The following SLC29A1 variants were observed in gnomAD, a reference collection of about 807,000 sequenced individuals.
SLC29A1 encodes solute carrier family 29 member 1 (Augustine blood group).
Under a neutral mutation model 48.3 loss-of-function variants are expected in SLC29A1, and 22 were observed. That is an observed-to-expected ratio of 0.46 (90% CI 0.33 to 0.65). The LOEUF is 0.65. Among genes scored for constraint, SLC29A1 ranks in the 30% least tolerant of loss-of-function variants. SLC29A1 has a pLI of 0.03. For synonymous variants in SLC29A1, 228 were observed against 231.0 expected, an observed-to-expected ratio of 0.99 and a Z score of 0.12; for missense variants, 491 against 575.3, an observed-to-expected ratio of 0.85 and a Z score of 1.50.
At chr6:44,233,388 G>A (rs776792459) in intron 12 of SLC29A1, 29 bp from the exon 13 acceptor site, 25 of 1,577,714 alleles carry the variant, frequency 1.6e-5, no homozygotes, top group South Asian at 5.5e-5. Flanking sequence ...GCCATTCTGA[G>A]GTAGCCTTGC....
rs187435516 is a variant in SLC29A1 at position 44,228,544 on chromosome 6, G to T, written c.30-846G>T. ...CAGGCCTGTCTTCTCACTGCCTTGG[G>T]CTTTATCCCTGCCATCTCTGAAGAG... On this transcript the variant is annotated intron_variant, in intron 2 of 12. Transcript: ENST00000371755. Among the ~76,000 whole-genome samples, 244 of 152,378 alleles carry T rather than the reference G, an allele frequency of 1.6e-3. 3 individuals carry two copies. The highest frequency in any genetic ancestry group is 0.015 in the Admixed American group (226 of 15,304).
In SLC29A1 at chr6:44,230,894, G is replaced by A. The variant is rs778293699; in HGVS notation, c.766+5G>A. ...AGTTGGACCTCATTAGCAAAGGTCCGAAGAGCCTGAGGAAGCTGGGGTGGA... is the reference window on the plus strand; with the variant it reads ...AGTTGGACCTCATTAGCAAAGGTCCAAAGAGCCTGAGGAAGCTGGGGTGGA... On this transcript the variant is annotated splice_donor_5th_base_variant and intron_variant, in intron 8 of 12. Transcript: ENST00000371755. 2.0e-5 allele frequency: 32 copies of A among 1,612,066 alleles called. No individual in the cohort carries two copies. Among genetic ancestry groups the A allele is most frequent in the South Asian group, 4.4e-5 (4 of 91,040 alleles).
rs1779048537 is a variant in SLC29A1 at position 44,232,200 on chromosome 6, C to T, written c.973+94C>T. The T allele has an allele frequency of 6.8e-6, 8 of 1,176,760 alleles. No individual in the cohort carries two copies. The highest frequency in any genetic ancestry group is 2.3e-5 in the East Asian group (1 of 42,660). 72.9% of individuals were successfully genotyped at this position (1,176,760 alleles called of 1,614,324 possible). On this transcript the variant is annotated intron_variant, in intron 10 of 12. Coordinates refer to ENST00000371755, the MANE Select transcript of SLC29A1 (RefSeq NM_001372327.1). This position sits in a 1 kb window ranked among gnomAD's most constrained non-coding sequence, Gnocchi z 4.7. ...GAGGGAGCCTGGGTCACCTTCTCCCCGTTTCCTGGGTCCATTTGCCCTTCC... is the reference window on the plus strand; with the variant it reads ...GAGGGAGCCTGGGTCACCTTCTCCCTGTTTCCTGGGTCCATTTGCCCTTCC...
chr6:44,222,179 C>G (rs1776511157), upstream of SLC29A1, among the ~76,000 whole-genome samples: 1 of 147,518 alleles, frequency 6.8e-6, no homozygotes, highest in Non-Finnish European at 1.5e-5. Flanking sequence ...AAGCCACTCT[C>G]AAGTCATGGG....
In SLC29A1 at chr6:44,223,655, C is replaced by T. The variant is rs761514620; in HGVS notation, c.-52+14C>T. 8.1e-3 allele frequency: 9,704 copies of T among 1,200,832 alleles called. 51 individuals are homozygous for T. Among genetic ancestry groups the T allele is most frequent in the Non-Finnish European group, 9.3e-3 (8,745 of 943,892 alleles). 74.4% of individuals were successfully genotyped at this position (1,200,832 alleles called of 1,614,324 possible). ...CTTCTGCGGCAGGTGCTGCCCGGGG[C>T]CGGGGACTGGGGACTGGGGACTGCC... On this transcript the variant is annotated intron_variant, in intron 1 of 12. Coordinates refer to ENST00000371755, the MANE Select transcript of SLC29A1 (RefSeq NM_001372327.1). This position sits in a 1 kb window ranked among gnomAD's most constrained non-coding sequence, Gnocchi z 5.0.
At chr6:44,219,811 CGGGGCGGGGTGGGGT>C (rs1489830186), upstream of SLC29A1, 17 of 146,622 alleles carry the variant, frequency 1.2e-4, no homozygotes, top group Non-Finnish European at 2.3e-4. Flanking sequence ...GGGGGCCTGG[CGGGGCGGGGTGGGGT>C]GGGGGCGAGG....
At position 44,230,039 on chromosome 6, in the gene SLC29A1, C is replaced by T. The variant is rs769032224; in HGVS notation, c.447C>T (p.Leu149=). ...FFVITMIKIV[L]INSFGAILQG... The stretch of plus-strand genomic sequence containing the variant: ...TCATCACCATGATCAAGATCGTGCT[C>T]ATTAATTGTAAGCTGGGCCAGGAGG... The change falls in exon 5 of 13, where the codon CTC becomes CTT. Residue 149 remains leucine, a synonymous_variant. Coordinates refer to ENST00000371755, the MANE Select transcript of SLC29A1 (RefSeq NM_001372327.1). 4 of 1,606,710 alleles carry T rather than the reference C, an allele frequency of 2.5e-6. No homozygotes were observed. The highest frequency in any genetic ancestry group is 3.4e-6 in the Non-Finnish European group (4 of 1,180,002).
rs754638062 is a variant in SLC29A1, at chr6:44,229,999, C to T, written c.407C>T (p.Ala136Val). ...ATCCTGGTGAAGGTGCAGCTGGATG[C>T]TCTGCCCTTCTTTGTCATCACCATG... ...TAILVKVQLD[A>V]LPFFVITMIK... is the part of the protein sequence containing the mutation. The change falls in exon 5 of 13, where the codon GCT (alanine) becomes GTT (valine). Residue 136 changes from alanine (A) to valine (V), a missense_variant. Ala to Val is a moderately conservative substitution (Grantham distance 64, BLOSUM62 0). Coordinates refer to ENST00000371755, the MANE Select transcript of SLC29A1 (RefSeq NM_001372327.1). The surrounding 1 kb of genome is among the most constrained non-coding windows in gnomAD (Gnocchi z 5.1). 1 of 1,611,712 alleles carries T rather than the reference C, an allele frequency of 6.2e-7. No homozygotes were observed. Among genetic ancestry groups the T allele is most frequent in the South Asian group, 1.1e-5 (1 of 91,082 alleles).
chr6:44,225,428 C>G (rs1777282716), intron 1 of SLC29A1, among the ~76,000 whole-genome samples: 1 of 151,478 alleles, frequency 6.6e-6, no homozygotes, highest in Non-Finnish European at 1.5e-5. Flanking sequence ...ATCACTTGAA[C>G]CTGGGAGGCA....
At position 44,232,007 on chromosome 6, in the gene SLC29A1, C is replaced by T. The variant is rs760502341; in HGVS notation, c.874C>T (p.Leu292=). 2 of 1,613,140 alleles carry T rather than the reference C, an allele frequency of 1.2e-6. No homozygotes were observed. The highest frequency in any genetic ancestry group is 1.7e-6 in the Non-Finnish European group (2 of 1,179,212). ...IKAILKNISV[L]AFSVCFIFTI... Reference sequence around the variant, plus strand: ...TACCCCTTCTATCTAGATCTCAGTCCTGGCTTTCTCTGTCTGCTTCATCTT... The same window carrying T: ...TACCCCTTCTATCTAGATCTCAGTCTTGGCTTTCTCTGTCTGCTTCATCTT... Residue 292 remains leucine (L), a synonymous_variant, in exon 10 of 13, where the codon CTG becomes TTG. Transcript: ENST00000371755. The surrounding 1 kb of genome is among the most constrained non-coding windows in gnomAD (Gnocchi z 4.7).
In SLC29A1 at chr6:44,231,441, A is replaced by G; in HGVS notation, c.844A>G (p.Ile282Val). The G allele has an allele frequency of 6.2e-7, 1 of 1,605,268 alleles. No homozygotes were observed. The change falls in exon 9 of 13, where the codon ATC becomes GTC. Residue 282 changes from isoleucine (I) to valine (V), a missense_variant. Transcript: ENST00000371755. ...NSQPTNESHS[I>V]KAILKNISVL... The stretch of plus-strand genomic sequence containing the variant: ...TCAGCCCACCAATGAAAGCCACTCT[A>G]TCAAAGCCATCCTGAAAAATGTACG...
In SLC29A1 at chr6:44,229,344, G is replaced by C. The variant is rs776215976; in HGVS notation, c.30-46G>C. 5 of 1,445,616 alleles carry C rather than the reference G, an allele frequency of 3.5e-6. No individual in the cohort carries two copies. In the South Asian group the frequency reaches 5.7e-5, roughly 16 times the overall value. The allele number at this position is 1,445,616 out of a possible 1,614,324, so 89.5% of individuals were successfully genotyped here. A position where few individuals can be genotyped will look rare whatever the true frequency, so the allele number is the denominator to read the frequency against. On this transcript the variant is annotated intron_variant, in intron 2 of 12. Transcript: ENST00000371755. This position sits in a 1 kb window ranked among gnomAD's most constrained non-coding sequence, Gnocchi z 5.1. ...TTTCCTGGGGCTCATTGTGGAGTGGGGCAGGATGGTGCGTCATTTGGCCCA... is the reference window on the plus strand; with the variant it reads ...TTTCCTGGGGCTCATTGTGGAGTGGCGCAGGATGGTGCGTCATTTGGCCCA...
chr6:44,221,510 C>A, upstream of SLC29A1: 1 of 727,246 alleles, frequency 1.4e-6, no homozygotes, highest in Non-Finnish European at 2.1e-6. The surrounding 1 kb of genome is among the most constrained non-coding windows in gnomAD (Gnocchi z 4.2). Flanking sequence ...AAGCCACGGT[C>A]CCATATAGGG....
Position 44,229,518 on chromosome 6 carries a change from T to C in SLC29A1, c.111+47T>C. On this transcript the variant is annotated intron_variant, in intron 3 of 12. Transcript: ENST00000371755. The surrounding 1 kb of genome is among the most constrained non-coding windows in gnomAD (Gnocchi z 5.1). ...TCCATGGGGCAGTGCCCACTGTGCT[T>C]GCAGGATCTGACTCTGTGCTGGTAG... The C allele has an allele frequency of 2.5e-6, 4 of 1,609,838 alleles. No individual in the cohort carries two copies. Among genetic ancestry groups the C allele is most frequent in the Non-Finnish European group, 3.4e-6 (4 of 1,176,138 alleles).
chr6:44,223,583 G>C (rs543920708), upstream of SLC29A1: 3 of 1,213,062 alleles, frequency 2.5e-6, no homozygotes, highest in Non-Finnish European at 3.2e-6. The surrounding 1 kb of genome is among the most constrained non-coding windows in gnomAD (Gnocchi z 5.0). Context: ...CCCGGCGGGA[G>C]AGGGAAGCTG....
In SLC29A1 at chr6:44,229,888, C is replaced by T. The variant is rs781692139; in HGVS notation, c.315-19C>T. The T allele has an allele frequency of 5.0e-6, 8 of 1,612,526 alleles. No individual in the cohort carries two copies. Among genetic ancestry groups the T allele is most frequent in the African/African-American group, 2.7e-5 (2 of 74,922 alleles). On this transcript the variant is annotated intron_variant, in intron 4 of 12. Coordinates refer to ENST00000371755, the MANE Select transcript of SLC29A1 (RefSeq NM_001372327.1). This position sits in a 1 kb window ranked among gnomAD's most constrained non-coding sequence, Gnocchi z 5.1. ...AGCTTTGCCCACTTGTCTCTGCCAC[C>T]CTTGGCCTCTCCCGGCAGGATCCCC...
At chr6:44,228,702 G>A (rs947921739) in intron 2 of SLC29A1, among the ~76,000 whole-genome samples, 4 of 152,254 alleles carry the variant, frequency 2.6e-5, no homozygotes, top group Non-Finnish European at 4.4e-5. Flanking sequence ...TTGAGGTATA[G>A]GGCTTGGGGC....
chr6:44,225,672 T>A (rs1371842239), intron 1 of SLC29A1: 1 of 152,178 alleles, frequency 6.6e-6, no homozygotes, highest in Non-Finnish European at 1.5e-5. Context: ...CAGTAAATAT[T>A]TGTCGAAGGC....
At chr6:44,221,419 C>T (rs542394270), upstream of SLC29A1, among the ~76,000 whole-genome samples, 51 of 152,324 alleles carry the variant, frequency 3.3e-4, no homozygotes, top group South Asian at 3.3e-3. The surrounding 1 kb of genome is among the most constrained non-coding windows in gnomAD (Gnocchi z 4.2). Flanking sequence ...TGAGAGGACA[C>T]ATGCCTGGGG....
Sources: gnomAD v4.1 joint callset for allele counts (sites outside exome capture counted in the v4.1 genomes callset) on GRCh38, gnomAD v4.1.1 for gene constraint, Gnocchi (gnomAD v3.1) non-coding constraint, MANE v1.5 for transcripts, NCBI Gene and HGNC (gene_info 2026-07-23, HGNC 2026-07-21) for gene names.